The following CLDN18 variants were observed in gnomAD, a reference collection of about 807,000 sequenced individuals.
CLDN18 encodes claudin-18.
Under a neutral mutation model 25.0 loss-of-function variants are expected in CLDN18, and 20 were observed. The ratio of observed to expected loss-of-function variants is 0.80; its 90% CI spans 0.56 to 1.16. The LOEUF is 1.16. CLDN18 is among the 50% of genes most tolerant of loss of function. The pLI is 0.00. For synonymous variants in CLDN18, 125 were observed against 135.6 expected, an observed-to-expected ratio of 0.92 and a Z score of 0.54; for missense variants, 297 against 345.4, an observed-to-expected ratio of 0.86 and a Z score of 1.11.
rs768311881 is a variant in CLDN18, at chr3:138,031,681, T to C, written c.*540T>C. On this transcript the variant is annotated 3_prime_UTR_variant, in exon 5 of 5. Coordinates refer to ENST00000183605, the MANE Select transcript of CLDN18 (RefSeq NM_016369.4). ...AATCTCTCCAGCCCATGATCTCGGT[T>C]TTCTTACACTGTGATCTTAAAAGTT... The C allele has an allele frequency of 1.3e-5, 2 of 152,168 alleles. No individual in the cohort carries two copies. The highest frequency in any genetic ancestry group is 2.9e-5 in the Non-Finnish European group (2 of 68,044). 9.4% of individuals were successfully genotyped at this position (152,168 alleles called of 1,614,324 possible). A position where few individuals can be genotyped will look rare whatever the true frequency, so the allele number is the denominator to read the frequency against.
At chr3:138,014,072 G>A (rs1942172658) in intron 1 of CLDN18, among the ~76,000 whole-genome samples, 1 of 151,962 alleles carries the variant, frequency 6.6e-6, no homozygotes, top group Admixed American at 6.6e-5. Flanking sequence ...GGGAGGGAAG[G>A]TGAGAAGGAA....
At chr3:138,023,915 G>A in intron 2 of CLDN18, 93 bp downstream of exon 2, 1 of 1,294,504 alleles carries the variant, frequency 7.7e-7, no homozygotes, top group Non-Finnish European at 1.1e-6. Flanking sequence ...TGCTGAATGT[G>A]GTTCAGAACT....
At chr3:138,003,341 C>G (rs1392122013) in intron 1 of CLDN18, among the ~76,000 whole-genome samples, 3 of 152,160 alleles carry the variant, frequency 2.0e-5, no homozygotes, top group Non-Finnish European at 4.4e-5. Context: ...AAAGGGAAGG[C>G]TTCCAAAAGG....
chr3:138,027,789 A>G (rs1942342752), intron 3 of CLDN18, among the ~76,000 whole-genome samples: 1 of 152,218 alleles, frequency 6.6e-6, no homozygotes, highest in African/African-American at 2.4e-5. Flanking sequence ...CAGAGCTGTC[A>G]GCAGGAAATC....
chr3:138,008,800 T>G (rs1024953428), upstream of CLDN18, among the ~76,000 whole-genome samples: 1 of 151,734 alleles, frequency 6.6e-6, no homozygotes, highest in Non-Finnish European at 1.5e-5. Context: ...GTGGTATGCA[T>G]GTATAGTTCC....
intron 3 of CLDN18, among the ~76,000 whole-genome samples, chr3:138,027,378 G>C (rs553026227): frequency 6.6e-6 from 1 of 152,314 alleles, no homozygotes; most frequent in South Asian, 2.1e-4. Flanking sequence ...GCCTGTCCCA[G>C]GTAAGTATTT....
chr3:138,018,661 C>A (rs571430182), intron 1 of CLDN18, among the ~76,000 whole-genome samples: 44 of 152,334 alleles, frequency 2.9e-4, no homozygotes, highest in South Asian at 8.3e-4. Context: ...AAGGCCTCAA[C>A]GTCATTCCTG....
chr3:138,009,909 G>C, upstream of CLDN18: 2 of 345,914 alleles, frequency 5.8e-6, no homozygotes, highest in East Asian at 5.4e-5. Context: ...CTCCGGAGGA[G>C]CCGGAGCTGG....
At chr3:138,007,303 C>A (rs144692605), upstream of CLDN18, among the ~76,000 whole-genome samples, 308 of 152,234 alleles carry the variant, frequency 2.0e-3, 1 homozygote, top group East Asian at 6.4e-3. Flanking sequence ...AACCCAAATG[C>A]CCATCAATGA....
At position 138,032,140 on chromosome 3, in the gene CLDN18, C is replaced by G. The variant is rs1434895359; in HGVS notation, c.*999C>G. ...AAGCCATGTAAAAAGTAAATAATGT[C>G]TGGGCACAGTGGCTCACGCCTGTAA... On this transcript the variant is annotated 3_prime_UTR_variant, in exon 5 of 5. Transcript: ENST00000183605. 1 of 152,214 alleles carries G rather than the reference C, an allele frequency of 6.6e-6. No individual in the cohort carries two copies. The highest frequency in any genetic ancestry group is 1.5e-5 in the Non-Finnish European group (1 of 68,068). 9.4% of individuals were successfully genotyped at this position (152,214 alleles called of 1,614,324 possible).
chr3:138,019,218 C>T (rs1178867620), intron 1 of CLDN18, among the ~76,000 whole-genome samples: 1 of 152,200 alleles, frequency 6.6e-6, no homozygotes, highest in African/African-American at 2.4e-5. Flanking sequence ...AAATGACTTA[C>T]CTAATAACAC....
rs79879051 is a variant in CLDN18, at chr3:138,002,432, T to C, written c.220+3344T>C. Among the ~76,000 whole-genome samples, 46 of 152,324 alleles carry C rather than the reference T, an allele frequency of 3.0e-4. 1 individual carries two copies. In the East Asian group the frequency reaches 8.9e-3, roughly 29 times the overall value. ...ACCGCCAGCGTGCAGGCATTTGAGT[T>C]TGGAGTTCCCCCAATTCTGTTTTCT... On this transcript the variant is annotated intron_variant, in intron 1 of 4. Coordinates refer to the CLDN18 transcript ENST00000343735.
chr3:138,021,265 A>C (rs577768234), intron 1 of CLDN18, among the ~76,000 whole-genome samples: 161 of 152,266 alleles, frequency 1.1e-3, no homozygotes, highest in Non-Finnish European at 2.0e-3. Flanking sequence ...GAAAAAAAAA[A>C]AGTGTTAAGC....
At chr3:138,005,546 T>C (rs930714082), upstream of CLDN18, among the ~76,000 whole-genome samples, 3 of 152,198 alleles carry the variant, frequency 2.0e-5, no homozygotes, top group East Asian at 5.8e-4. Flanking sequence ...GCTTCATCCA[T>C]GTCCCTGCAA....
chr3:138,009,653 T>C (rs367826243), upstream of CLDN18, among the ~76,000 whole-genome samples: 9 of 152,314 alleles, frequency 5.9e-5, no homozygotes, highest in African/African-American at 2.2e-4. Flanking sequence ...TGTACTTTTC[T>C]TGACTCACCC....
In CLDN18 at chr3:138,029,724, C is replaced by CACAG. The variant is rs1006617709; in HGVS notation, c.504-72_504-69dup. ...CAAAAGTGGGGACAGAAAGAACAGG[C>CACAG]ACAGCCAGGTGCAGTGGGTGGAGCC... is the stretch of plus-strand genomic sequence containing the variant. On this transcript the variant is annotated intron_variant, in intron 3 of 4. Coordinates refer to ENST00000183605, the MANE Select transcript of CLDN18 (RefSeq NM_016369.4). 9 of 885,300 alleles carry CACAG rather than the reference C, an allele frequency of 1.0e-5. No homozygotes were observed. The African/African-American group carries it at 1.5e-4, about 15-fold the overall frequency. 54.8% of individuals were successfully genotyped at this position (885,300 alleles called of 1,614,324 possible). A position where few individuals can be genotyped will look rare whatever the true frequency, so the allele number is the denominator to read the frequency against.
chr3:138,023,555 G>A, intron 1 of CLDN18, 103 bp from the exon 2 acceptor site: 1 of 1,108,670 alleles, frequency 9.0e-7, no homozygotes, highest in Non-Finnish European at 1.3e-6. Context: ...CAGAGGTTTG[G>A]TGCAGGTTAG....
intron 1 of CLDN18, among the ~76,000 whole-genome samples, chr3:138,015,753 T>C (rs1942195536): frequency 6.6e-6 from 1 of 152,178 alleles, no homozygotes; most frequent in Non-Finnish European, 1.5e-5. Context: ...AATAAATAAT[T>C]ATAATAATCA....
Position 138,031,211 on chromosome 3 carries a change from A to T in CLDN18, c.*70A>T. 1 of 1,369,010 alleles carries T rather than the reference A, an allele frequency of 7.3e-7. No homozygotes were observed. The highest frequency in any genetic ancestry group is 9.9e-7 in the Non-Finnish European group (1 of 1,011,236). The allele number at this position is 1,369,010 out of a possible 1,614,324, so 84.8% of individuals were successfully genotyped here. A position where few individuals can be genotyped will look rare whatever the true frequency, so the allele number is the denominator to read the frequency against. Reference sequence around the variant, plus strand: ...CTCACCCAAAAAACAAGGAGATCCCATCTAGATTTCTTCTTGCTTTTGACT... The same window carrying T: ...CTCACCCAAAAAACAAGGAGATCCCTTCTAGATTTCTTCTTGCTTTTGACT... On this transcript the variant is annotated 3_prime_UTR_variant, in exon 5 of 5. Coordinates refer to ENST00000183605, the MANE Select transcript of CLDN18 (RefSeq NM_016369.4).
Sources: allele counts gnomAD v4.1 joint callset (sites outside exome capture counted in the v4.1 genomes callset), GRCh38; gene constraint gnomAD v4.1.1; transcripts MANE v1.5; gene names NCBI Gene and HGNC (gene_info 2026-07-23, HGNC 2026-07-21).